The following ARHGAP11A variants were observed in gnomAD, a reference collection of about 807,000 sequenced individuals.
The protein encoded by ARHGAP11A is rho GTPase-activating protein 11A.
Under a neutral mutation model 60.5 loss-of-function variants are expected in ARHGAP11A, and 36 were observed. The observed-to-expected ratio is 0.59, with a 90% CI of 0.46 to 0.79. The LOEUF (loss-of-function observed/expected upper bound fraction) is 0.79, where lower values mean the gene tolerates loss of function less well. Ranked by LOEUF, ARHGAP11A falls within the 30% of genes least tolerant of loss-of-function variation. ARHGAP11A has a pLI of 0.00. For missense variants in ARHGAP11A, 1,071 were observed against 1,199.2 expected, an observed-to-expected ratio of 0.89 and a Z score of 1.58; for synonymous variants, 362 against 415.5, an observed-to-expected ratio of 0.87 and a Z score of 1.57.
intron 10 of ARHGAP11A, among the ~76,000 whole-genome samples, chr15:32,634,249 C>T (rs781200051): frequency 6.6e-6 from 1 of 152,116 alleles, no homozygotes; most frequent in Non-Finnish European, 1.5e-5. Flanking sequence ...TCTCTCCACT[C>T]ACTCAAGGTG....
Position 32,636,299 on chromosome 15 carries a change from C to T in ARHGAP11A, c.1526C>T (p.Pro509Leu). The part of the protein sequence containing the change: ...ISKSEETLLT[P>L]ERLVGTNYRM... ...AAGTCTGAGGAAACCTTACTAACTC[C>T]AGAGCGACTAGTTGGAACAAATTAC... The change falls in exon 12 of 12, where the codon CCA (proline) becomes CTA (leucine). Residue 509 changes from proline (P) to leucine (L), a missense_variant. Coordinates refer to ENST00000361627, the MANE Select transcript of ARHGAP11A (RefSeq NM_014783.6). 1 of 1,612,522 alleles carries T rather than the reference C, an allele frequency of 6.2e-7. No homozygotes were observed. The highest frequency in any genetic ancestry group is 8.5e-7 in the Non-Finnish European group (1 of 1,179,506).
At position 32,616,188 on chromosome 15, in the gene ARHGAP11A, C is replaced by G. The variant is rs749189484; in HGVS notation, c.-24C>G. ...GAGGGTCAGGACCTGCATCCTGCCT[C>G]AGAGAGTTATCGACGTATCCGGAAT... On this transcript the variant is annotated 5_prime_UTR_variant, in exon 1 of 12. Coordinates refer to ENST00000361627, the MANE Select transcript of ARHGAP11A (RefSeq NM_014783.6). The G allele has an allele frequency of 5.0e-6, 8 of 1,613,188 alleles. No individual in the cohort carries two copies. In the Admixed American group the frequency reaches 6.7e-5, roughly 13 times the overall value.
intron 9 of ARHGAP11A, among the ~76,000 whole-genome samples, chr15:32,633,353 G>C (rs1422515636): frequency 1.3e-5 from 2 of 152,100 alleles, no homozygotes; most frequent in Non-Finnish European, 2.9e-5. Flanking sequence ...AAAATTTCCT[G>C]TTAGAGGCTG....
intron 10 of ARHGAP11A, among the ~76,000 whole-genome samples, chr15:32,635,468 G>A (rs1040340163): frequency 2.6e-5 from 4 of 152,062 alleles, no homozygotes; most frequent in Non-Finnish European, 4.4e-5. Context: ...TTTGGTCTAG[G>A]TACCCCACTG....
At chr15:32,616,380 G>A (rs759015570) in intron 1 of ARHGAP11A, 40 bp downstream of exon 1, 51 of 1,611,562 alleles carry the variant, frequency 3.2e-5, no homozygotes, top group Non-Finnish European at 3.1e-5. Context: ...AAAAGAAAGG[G>A]CACACCCTTT....
rs2053543957 is a variant in ARHGAP11A, at chr15:32,629,644, A to G, written c.987A>G (p.Thr329=). 6 of 1,613,462 alleles carry G rather than the reference A, an allele frequency of 3.7e-6. No homozygotes were observed. The Admixed American group carries it at 5.0e-5, about 13-fold the overall frequency. ...PVILTPNAKR[T]LPVDSSHGFS... is the part of the protein sequence containing the mutation. ...TTCTTACACCAAATGCTAAGCGTAC[A>G]TTGCCAGTAGATTCTTCTCATGGTT... The change falls in exon 8 of 12, where the codon ACA becomes ACG. Residue 329 remains threonine, a synonymous_variant. Transcript: ENST00000361627.
At position 32,636,674 on chromosome 15, in the gene ARHGAP11A, A is replaced by G. The variant is rs2053722313; in HGVS notation, c.1901A>G (p.Tyr634Cys). ...VGKVKLTEPSYLEDSPEENLF... is the reference protein window; with the variant it reads ...VGKVKLTEPSCLEDSPEENLF... The stretch of plus-strand genomic sequence containing the variant: ...AAAGTAAAATTAACTGAACCATCTT[A>G]TTTAGAAGATAGCCCAGAGGAAAAT... The change falls in exon 12 of 12, where the codon TAT (tyrosine) becomes TGT (cysteine). Residue 634 changes from tyrosine to cysteine, a missense_variant. Coordinates refer to ENST00000361627, the MANE Select transcript of ARHGAP11A (RefSeq NM_014783.6). 6.2e-7 allele frequency: 1 copy of G among 1,613,922 alleles called. No individual in the cohort carries two copies. The highest frequency in any genetic ancestry group is 1.7e-4 in the Middle Eastern group (1 of 6,060).
rs761448800 is a variant in ARHGAP11A, at chr15:32,637,055, CCT to C, written c.2285_2286del (p.Ser762PhefsTer16). The stretch of plus-strand genomic sequence containing the variant: ...GCACATAGCAAGGACGAGGCTAGAT[CCT>C]CTTTCTCACAGCAGAGTACATGTGT... On this transcript the variant is annotated frameshift_variant, in exon 12 of 12. Transcript: ENST00000361627. LOFTEE classifies it low-confidence loss of function (END_TRUNC). The C allele has an allele frequency of 3.7e-6, 6 of 1,613,796 alleles. No individual in the cohort carries two copies. Among genetic ancestry groups the C allele is most frequent in the Non-Finnish European group, 5.1e-6 (6 of 1,180,016 alleles).
At chr15:32,616,746 G>A (rs902618518) in intron 1 of ARHGAP11A, among the ~76,000 whole-genome samples, 2 of 152,186 alleles carry the variant, frequency 1.3e-5, no homozygotes, top group South Asian at 2.1e-4. Context: ...TTTGGAACAG[G>A]TAGTACGTTG....
In ARHGAP11A at chr15:32,625,516, A is replaced by G. The variant is rs1360519747; in HGVS notation, c.745A>G (p.Ile249Val). 3 of 1,613,836 alleles carry G rather than the reference A, an allele frequency of 1.9e-6. No homozygotes were observed. Among genetic ancestry groups the G allele is most frequent in the Admixed American group, 3.3e-5 (2 of 59,998 alleles). Residue 249 changes from isoleucine to valine, a missense_variant, in exon 6 of 12, where the codon ATA becomes GTA. By Grantham distance (29) the Ile-to-Val change is conservative. Coordinates refer to ENST00000361627, the MANE Select transcript of ARHGAP11A (RefSeq NM_014783.6). ...TGTACCAGATTTTATCCTGGAAAAG[A>G]TACCAGCCATGTTGGGTATTGATGG... Reference protein sequence around the residue: ...GRVPDFILEKIPAMLGIDGLC... With the variant: ...GRVPDFILEKVPAMLGIDGLC...
chr15:32,635,994 T>C (rs1236095150), intron 11 of ARHGAP11A, 79 bp downstream of exon 11: 1 of 1,482,546 alleles, frequency 6.7e-7, no homozygotes, highest in Non-Finnish European at 9.0e-7. Context: ...ACATATTAAT[T>C]AATTTACTGT....
In ARHGAP11A at chr15:32,638,789, GT is replaced by G. The variant is rs1295544534; in HGVS notation, c.*949del. ...ATTGATAACTTTTAAGCCATACTAT[GT>G]TTTTAAAGATAATTTGCACAAACAC... On this transcript the variant is annotated 3_prime_UTR_variant, in exon 12 of 12. Transcript: ENST00000361627. 6.6e-6 allele frequency: 1 copy of G among 152,526 alleles called. No individual in the cohort carries two copies. The highest frequency in any genetic ancestry group is 1.9e-4 in the East Asian group (1 of 5,196). The allele number at this position is 152,526 out of a possible 1,614,324, so 9.4% of individuals were successfully genotyped here.
chr15:32,635,679 C>T lies in ARHGAP11A; in HGVS notation c.1345-98C>T, dbSNP rs533380363. 106 of 797,910 alleles carry T rather than the reference C, an allele frequency of 1.3e-4. No individual in the cohort carries two copies. In the African/African-American group the frequency reaches 1.7e-3, roughly 13 times the overall value. 49.4% of individuals were successfully genotyped at this position (797,910 alleles called of 1,614,324 possible). A position where few individuals can be genotyped will look rare whatever the true frequency, so the allele number is the denominator to read the frequency against. On this transcript the variant is annotated intron_variant, in intron 10 of 11. Coordinates refer to ENST00000361627, the MANE Select transcript of ARHGAP11A (RefSeq NM_014783.6). ...CTCAATTATATATCCCTTTTTAAAT[C>T]AGCTAAAGATTTTGATAACTACAAA...
At chr15:32,628,612 A>G in intron 6 of ARHGAP11A, 116 bp from the exon 7 acceptor site, 1 of 742,526 alleles carries the variant, frequency 1.3e-6, no homozygotes, top group Non-Finnish European at 2.1e-6. Flanking sequence ...AAATAACTTA[A>G]AATTTATAAG....
rs1320327565 is a variant in ARHGAP11A at position 32,639,577 on chromosome 15, G to C, written c.*1732G>C. On this transcript the variant is annotated 3_prime_UTR_variant, in exon 12 of 12. Transcript: ENST00000361627. Reference sequence around the variant, plus strand: ...TTGAATTTGAAGACTAATTCAGTAAGAAGTCCTAGGGGTTTAACTGTACAT... The same window carrying C: ...TTGAATTTGAAGACTAATTCAGTAACAAGTCCTAGGGGTTTAACTGTACAT... 1 of 152,192 alleles carries C rather than the reference G, an allele frequency of 6.6e-6. No individual in the cohort carries two copies. Among genetic ancestry groups the C allele is most frequent in the Non-Finnish European group, 1.5e-5 (1 of 68,034 alleles). 9.4% of individuals were successfully genotyped at this position (152,192 alleles called of 1,614,324 possible). A position where few individuals can be genotyped will look rare whatever the true frequency, so the allele number is the denominator to read the frequency against.
At chr15:32,631,661 C>T (rs189909780) in intron 8 of ARHGAP11A, among the ~76,000 whole-genome samples, 2 of 152,312 alleles carry the variant, frequency 1.3e-5, no homozygotes, top group Non-Finnish European at 1.5e-5. Flanking sequence ...GTGCCTCCTG[C>T]GACCATTGAC....
At chr15:32,616,470 G>C in intron 1 of ARHGAP11A, 130 bp downstream of exon 1, 1 of 1,380,790 alleles carries the variant, frequency 7.2e-7, no homozygotes, top group South Asian at 1.7e-5. Context: ...ATTCAGTTCA[G>C]ATGGTCGATT....
At position 32,616,165 on chromosome 15, in the gene ARHGAP11A, G is replaced by C; in HGVS notation, c.-47G>C. On this transcript the variant is annotated 5_prime_UTR_variant, in exon 1 of 12. Transcript: ENST00000361627. ...AATTGGAAGACTTGGTGGCGAACGA[G>C]GGTCAGGACCTGCATCCTGCCTCAG... is the stretch of plus-strand genomic sequence containing the variant. The C allele has an allele frequency of 1.3e-6, 2 of 1,575,078 alleles. No homozygotes were observed. Among genetic ancestry groups the C allele is most frequent in the South Asian group, 1.2e-5 (1 of 86,908 alleles).
chr15:32,625,604 A>G lies in ARHGAP11A; in HGVS notation c.833A>G (p.Tyr278Cys), dbSNP rs139461740. 9.3e-6 allele frequency: 15 copies of G among 1,613,982 alleles called. No individual in the cohort carries two copies. Among genetic ancestry groups the G allele is most frequent in the Non-Finnish European group, 8.5e-6 (10 of 1,179,848 alleles). Residue 278 changes from tyrosine (Y) to cysteine (C), a missense_variant, in exon 6 of 12, where the codon TAT (tyrosine) becomes TGT (cysteine). Coordinates refer to ENST00000361627, the MANE Select transcript of ARHGAP11A (RefSeq NM_014783.6). ...EEGEYETPGE[Y>C]KRKRRQSVGD... is the part of the protein sequence containing the mutation. ...GGTGAATATGAAACTCCTGGTGAAT[A>G]TAAGAGAAAGAGAAGACAAAGTGTA...
Sources: allele counts gnomAD v4.1 joint callset (sites outside exome capture counted in the v4.1 genomes callset), GRCh38; gene constraint gnomAD v4.1.1; transcripts MANE v1.5; gene names NCBI Gene and HGNC (gene_info 2026-07-23, HGNC 2026-07-21).